The following LRRTM3 variants were observed in gnomAD, a reference collection of about 807,000 sequenced individuals.
LRRTM3 encodes leucine rich repeat transmembrane neuronal 3, also known as leucine-rich repeat transmembrane neuronal protein 3.
Under a neutral mutation model 44.7 loss-of-function variants are expected in LRRTM3, and 24 were observed. That is an observed-to-expected ratio of 0.54 (90% confidence interval 0.39 to 0.76). The LOEUF (loss-of-function observed/expected upper bound fraction) is 0.76. LRRTM3 is among the 30% of genes least tolerant of loss of function. The pLI is 0.00. For synonymous variants in LRRTM3, 277 were observed against 278.7 expected (o/e 0.99, Z 0.06); for missense variants, 587 against 702.2 (o/e 0.84, Z 1.85).
intron 2 of LRRTM3, among the ~76,000 whole-genome samples, chr10:67,092,091 G>A (rs1053763870): frequency 3.3e-5 from 5 of 151,812 alleles, no homozygotes; most frequent in African/African-American, 1.2e-4. Flanking sequence ...TAGTGACAAG[G>A]ACTACATCTA....
rs150765895 is a variant in LRRTM3 at position 66,974,663 on chromosome 10, A to T, written c.1536+46211A>T. ...TTTCATTGGTTCATATCATCTACTA[A>T]TACAACACTTAATATGTGACTTTTT... On this transcript the variant is annotated intron_variant, in intron 2 of 2. Coordinates refer to ENST00000361320, the MANE Select transcript of LRRTM3 (RefSeq NM_178011.5). Among the ~76,000 whole-genome samples, 3 of 152,312 alleles carry T rather than the reference A, an allele frequency of 2.0e-5. No homozygotes were observed. The East Asian group carries it at 5.8e-4, about 29-fold the overall frequency.
chr10:67,026,485 G>A (rs956647967), intron 2 of LRRTM3, among the ~76,000 whole-genome samples: 4 of 151,978 alleles, frequency 2.6e-5, no homozygotes, highest in Non-Finnish European at 5.9e-5. Context: ...ATAAAGCAGT[G>A]TTATATAAGT....
intron 2 of LRRTM3, among the ~76,000 whole-genome samples, chr10:67,061,738 CTT>C (rs1855767753): frequency 6.6e-6 from 1 of 152,118 alleles, no homozygotes; most frequent in Non-Finnish European, 1.5e-5. Flanking sequence ...TAATATGTAT[CTT>C]TGTTTCTAAA....
chr10:67,070,439 G>A (rs1374362543), intron 2 of LRRTM3, among the ~76,000 whole-genome samples: 4 of 151,940 alleles, frequency 2.6e-5, no homozygotes, highest in African/African-American at 9.7e-5. Context: ...TATTTTTTAT[G>A]TTTGTGTCCC....
chr10:67,065,479 A>C (rs997106386), intron 2 of LRRTM3, among the ~76,000 whole-genome samples: 1 of 152,206 alleles, frequency 6.6e-6, no homozygotes, highest in East Asian at 1.9e-4. Context: ...GAAAAGTATT[A>C]TGACAGAAAC....
At chr10:66,977,877 C>T (rs1589532132) in intron 2 of LRRTM3, among the ~76,000 whole-genome samples, 2 of 152,028 alleles carry the variant, frequency 1.3e-5, no homozygotes, top group Admixed American at 1.3e-4. Context: ...CATTTGGAAA[C>T]AATACAAAAT....
At chr10:66,983,198 C>T (rs1850542783) in intron 2 of LRRTM3, among the ~76,000 whole-genome samples, 1 of 152,154 alleles carries the variant, frequency 6.6e-6, no homozygotes, top group East Asian at 1.9e-4. Context: ...GCTCAGCACA[C>T]TCGGCAGAAA....
At chr10:67,016,918 T>C (rs988452694) in intron 2 of LRRTM3, among the ~76,000 whole-genome samples, 7 of 152,170 alleles carry the variant, frequency 4.6e-5, no homozygotes, top group African/African-American at 1.7e-4. Flanking sequence ...AAAATAAGTT[T>C]TACCATCAAA....
rs78075639 is a variant in LRRTM3, at chr10:67,087,038, A to T, written c.1537-10549A>T. On this transcript the variant is annotated intron_variant, in intron 2 of 2. Coordinates refer to ENST00000361320, the MANE Select transcript of LRRTM3 (RefSeq NM_178011.5). The stretch of plus-strand genomic sequence containing the variant: ...CCACAGTATGAAGAAACGGATTTGG[A>T]AACACAGCACCAAGATTAGAGAGGC... Among the ~76,000 whole-genome samples, 1,382 of 152,168 alleles carry T rather than the reference A, an allele frequency of 9.1e-3. 56 individuals are homozygous for T. In the East Asian group the frequency reaches 0.12, roughly 13 times the overall value.
chr10:67,023,926 G>C (rs1447746790), intron 2 of LRRTM3, among the ~76,000 whole-genome samples: 1 of 152,184 alleles, frequency 6.6e-6, no homozygotes, highest in African/African-American at 2.4e-5. Flanking sequence ...AGTTGGGCTA[G>C]ATAATTTCTA....
intron 2 of LRRTM3, among the ~76,000 whole-genome samples, chr10:67,049,013 A>C (rs887966188): frequency 7.8e-6 from 1 of 128,318 alleles, no homozygotes; most frequent in Non-Finnish European, 1.6e-5. Context: ...TATAGCAAAA[A>C]TTTATGATGA....
intron 2 of LRRTM3, among the ~76,000 whole-genome samples, chr10:67,029,491 T>C (rs928428272): frequency 6.6e-6 from 1 of 152,296 alleles, no homozygotes; most frequent in Admixed American, 6.5e-5. Flanking sequence ...CGGTGGGTAC[T>C]CATCTACTTG....
chr10:67,051,112 A>G (rs1855063187), intron 2 of LRRTM3, among the ~76,000 whole-genome samples: 1 of 152,246 alleles, frequency 6.6e-6, no homozygotes, highest in Non-Finnish European at 1.5e-5. Context: ...AGACAGAGAT[A>G]CAAGCAATGC....
intron 1 of LRRTM3, 37 bp from the exon 2 acceptor site, chr10:66,926,884 T>TG (rs775609114): frequency 1.3e-5 from 19 of 1,517,864 alleles, no homozygotes; most frequent in Admixed American, 4.5e-5. Flanking sequence ...AATTCTTTTT[T>TG]GGGGGGATAA....
intron 2 of LRRTM3, among the ~76,000 whole-genome samples, chr10:67,011,678 AT>A (rs1205335948): frequency 6.6e-6 from 1 of 152,244 alleles, no homozygotes; most frequent in East Asian, 1.9e-4. Flanking sequence ...ACGATAGCAA[AT>A]ATATAGAGTG....
chr10:66,980,565 T>TTCTGTTTCCCAAGCAAAAATCAGAATTGA (rs1564809959), intron 2 of LRRTM3, among the ~76,000 whole-genome samples: 5 of 152,076 alleles, frequency 3.3e-5, no homozygotes, highest in South Asian at 2.1e-4. Context: ...GAGACCTTCC[T>TTCTGTTTCCCAAGCAAAAATCAGAATTGA]ACCCACCTGT....
At chr10:66,954,391 G>C (rs1848686753) in intron 2 of LRRTM3, among the ~76,000 whole-genome samples, 2 of 152,102 alleles carry the variant, frequency 1.3e-5, no homozygotes, top group South Asian at 4.1e-4. Context: ...TGACTGCAGA[G>C]GAGAAATAAA....
intron 2 of LRRTM3, among the ~76,000 whole-genome samples, chr10:67,018,693 G>A (rs1416077201): frequency 1.3e-5 from 2 of 152,150 alleles, no homozygotes; most frequent in African/African-American, 2.4e-5. Context: ...TAACCTCTCT[G>A]TGCCTCAGTT....
At chr10:67,014,510 G>C (rs1852530728) in intron 2 of LRRTM3, among the ~76,000 whole-genome samples, 1 of 152,054 alleles carries the variant, frequency 6.6e-6, no homozygotes, top group Non-Finnish European at 1.5e-5. Flanking sequence ...TTAGTTTTTA[G>C]ATTAAAATAT....
Sources: allele counts gnomAD v4.1 joint callset (sites outside exome capture counted in the v4.1 genomes callset), GRCh38; gene constraint gnomAD v4.1.1; transcripts MANE v1.5; gene names NCBI Gene and HGNC (gene_info 2026-07-23, HGNC 2026-07-21).